The following NSRP1 variants were observed in gnomAD, a reference collection of about 807,000 sequenced individuals.
NSRP1 encodes the protein coiled-coil domain containing 55.
NSRP1 carries 24 observed loss-of-function variants against 54.7 expected under a neutral mutation model. That is an observed-to-expected ratio of 0.44 (90% CI 0.32 to 0.62). NSRP1 has a LOEUF of 0.62. NSRP1 is among the 20% of genes least tolerant of loss of function. The pLI is 0.06. For missense variants in NSRP1, 596 were observed against 651.2 expected, an observed-to-expected ratio of 0.92 and a Z score of 0.92; for synonymous variants, 210 against 213.8, an observed-to-expected ratio of 0.98 and a Z score of 0.15.
chr17:30,172,463 A>G (rs1447908124), intron 2 of NSRP1, 79 bp from the exon 3 acceptor site: 3 of 1,111,208 alleles, frequency 2.7e-6, no homozygotes, highest in Admixed American at 5.0e-5. Flanking sequence ...GGTCCCATGT[A>G]TTTTAGATAG....
chr17:30,130,929 C>T (rs1030046929), intron 2 of NSRP1, among the ~76,000 whole-genome samples: 1 of 152,208 alleles, frequency 6.6e-6, no homozygotes, highest in African/African-American at 2.4e-5. Context: ...TTATTGATCA[C>T]TTGCCCTGTG....
intron 2 of NSRP1, among the ~76,000 whole-genome samples, chr17:30,123,400 G>A (rs1167214735): frequency 1.3e-5 from 2 of 152,240 alleles, no homozygotes. Flanking sequence ...ACAGGCATGA[G>A]CCACCGTGCC....
At chr17:30,179,803 A>C (rs1905239880) in intron 5 of NSRP1, among the ~76,000 whole-genome samples, 1 of 152,190 alleles carries the variant, frequency 6.6e-6, no homozygotes, top group African/African-American at 2.4e-5. Flanking sequence ...CTTTCTACTC[A>C]TGATTATTTC....
At chr17:30,176,289 C>T (rs756465515) in intron 3 of NSRP1, among the ~76,000 whole-genome samples, 5 of 152,062 alleles carry the variant, frequency 3.3e-5, no homozygotes, top group Admixed American at 6.5e-5. Context: ...GCTCTCCTCC[C>T]AACATATACA....
At chr17:30,166,663 C>G (rs928874673) in intron 2 of NSRP1, among the ~76,000 whole-genome samples, 5 of 152,190 alleles carry the variant, frequency 3.3e-5, no homozygotes, top group Non-Finnish European at 4.4e-5. Flanking sequence ...TGGCTCATGC[C>G]TATAATCCTA....
chr17:30,133,397 T>C (rs1181098504), intron 2 of NSRP1, among the ~76,000 whole-genome samples: 1 of 152,180 alleles, frequency 6.6e-6, no homozygotes, highest in East Asian at 1.9e-4. Flanking sequence ...ACCCGATGCA[T>C]TGTCAGCAGT....
intron 2 of NSRP1, among the ~76,000 whole-genome samples, chr17:30,120,691 T>G (rs1197829475): frequency 1.3e-5 from 2 of 152,232 alleles, no homozygotes; most frequent in African/African-American, 2.4e-5. Context: ...TATTTGATCT[T>G]CAGGATCACT....
intron 6 of NSRP1, among the ~76,000 whole-genome samples, chr17:30,182,899 A>G (rs1905363345): frequency 6.6e-6 from 1 of 152,192 alleles, no homozygotes; most frequent in Non-Finnish European, 1.5e-5. Flanking sequence ...GCGCCACTGC[A>G]CTCCAGCTTG....
chr17:30,179,429 C>T (rs1226079619), intron 5 of NSRP1, 132 bp downstream of exon 5: 2 of 1,334,898 alleles, frequency 1.5e-6, no homozygotes, highest in African/African-American at 2.9e-5. Context: ...GAATTCAAGA[C>T]ACAAGGAATA....
In NSRP1 at chr17:30,164,814, G is replaced by T. The variant is rs187816458; in HGVS notation, c.115-7728G>T. Among the ~76,000 whole-genome samples the T allele has an allele frequency of 1.0e-3, 152 of 152,062 alleles. 2 individuals carry two copies. The Middle Eastern group carries it at 0.01, about 10-fold the overall frequency. The stretch of plus-strand genomic sequence containing the variant: ...CCCTGTCTCAAAAAAAAAGAGAAAA[G>T]AAGCCAGTTTTAAGGAATATTCTCC... On this transcript the variant is annotated intron_variant, in intron 2 of 6. Transcript: ENST00000247026.
intron 2 of NSRP1, among the ~76,000 whole-genome samples, chr17:30,133,744 G>A (rs1470613119): frequency 6.6e-6 from 1 of 152,170 alleles, no homozygotes; most frequent in African/African-American, 2.4e-5. Context: ...TAGGTTTTCT[G>A]GATAACTTAC....
At chr17:30,133,932 T>C (rs1269618717) in intron 2 of NSRP1, among the ~76,000 whole-genome samples, 1 of 152,144 alleles carries the variant, frequency 6.6e-6, no homozygotes, top group Non-Finnish European at 1.5e-5. Context: ...AGAACTTGAC[T>C]GTTTGACTGC....
intron 2 of NSRP1, among the ~76,000 whole-genome samples, chr17:30,126,796 C>G (rs1597594349): frequency 1.3e-5 from 2 of 152,198 alleles, no homozygotes; most frequent in East Asian, 3.8e-4. Flanking sequence ...GCCATGTTGC[C>G]CAGGCGGGTC....
At chr17:30,140,761 C>A (rs2071797399) in intron 2 of NSRP1, among the ~76,000 whole-genome samples, 1 of 151,902 alleles carries the variant, frequency 6.6e-6, no homozygotes, top group Non-Finnish European at 1.5e-5. Flanking sequence ...AACTCCTGAC[C>A]TCGTGATCCG....
Position 30,185,691 on chromosome 17 carries a change from A to G in NSRP1, c.*17A>G. ...GATGATTGATGGCTACCCCAAGAGA[A>G]AGATTTAAGGAAGCACAGAAAACTG... On this transcript the variant is annotated 3_prime_UTR_variant, in exon 7 of 7. Transcript: ENST00000247026. 1 of 1,529,614 alleles carries G rather than the reference A, an allele frequency of 6.5e-7. No homozygotes were observed. Among genetic ancestry groups the G allele is most frequent in the Non-Finnish European group, 8.7e-7 (1 of 1,144,296 alleles). 94.8% of individuals were successfully genotyped at this position (1,529,614 alleles called of 1,614,324 possible).
chr17:30,180,012 T>C (rs1198619300), intron 5 of NSRP1, among the ~76,000 whole-genome samples: 2 of 152,052 alleles, frequency 1.3e-5, no homozygotes, highest in African/African-American at 4.8e-5. Context: ...ACTTTTTGTA[T>C]TTTTTGTAGA....
chr17:30,138,022 G>A (rs1439110439), intron 2 of NSRP1, among the ~76,000 whole-genome samples: 8 of 152,000 alleles, frequency 5.3e-5, no homozygotes. Context: ...TTCCCCCAGT[G>A]CCCTGCCCAG....
rs1237897667 is a variant in NSRP1, at chr17:30,186,394, A to G, written c.*720A>G. 1 of 152,256 alleles carries G rather than the reference A, an allele frequency of 6.6e-6. No homozygotes were observed. Among genetic ancestry groups the G allele is most frequent in the Admixed American group, 6.5e-5 (1 of 15,290 alleles). 9.4% of individuals were successfully genotyped at this position (152,256 alleles called of 1,614,324 possible). A position where few individuals can be genotyped will look rare whatever the true frequency, so the allele number is the denominator to read the frequency against. ...TATGTTCTGAAATTTGTATTTAAGT[A>G]TAAAATGTGAATCATCTTGTCTAAA... On this transcript the variant is annotated 3_prime_UTR_variant, in exon 7 of 7. Coordinates refer to ENST00000247026, the MANE Select transcript of NSRP1 (RefSeq NM_032141.4).
At chr17:30,126,368 T>C (rs2071649562) in intron 2 of NSRP1, among the ~76,000 whole-genome samples, 1 of 152,194 alleles carries the variant, frequency 6.6e-6, no homozygotes, top group Admixed American at 6.5e-5. Context: ...ATGTCCAAAT[T>C]ATAGCCATCC....
Sources: gnomAD v4.1 joint callset for allele counts (sites outside exome capture counted in the v4.1 genomes callset) on GRCh38, gnomAD v4.1.1 for gene constraint, MANE v1.5 for transcripts, NCBI Gene and HGNC (gene_info 2026-07-23, HGNC 2026-07-21) for gene names.